DGKB: variants seen among roughly 807,000 people sequenced by gnomAD.
The protein encoded by DGKB is 90 kDa diacylglycerol kinase.
Under a neutral mutation model 114.3 loss-of-function variants are expected in DGKB, and 67 were observed. The observed-to-expected ratio is 0.59, with a 90% CI of 0.48 to 0.72. The LOEUF is 0.72. Ranked by LOEUF, DGKB falls within the 30% of genes least tolerant of loss-of-function variation. DGKB has a pLI of 0.00. For synonymous variants in DGKB, 398 were observed against 323.1 expected (o/e 1.23, Z -2.49); for missense variants, 907 against 975.2 (o/e 0.93, Z 0.93).
At chr7:14,894,480 A>G (rs1781795147) in intron 1 of DGKB, among the ~76,000 whole-genome samples, 1 of 151,474 alleles carries the variant, frequency 6.6e-6, no homozygotes, top group Non-Finnish European at 1.5e-5. Context: ...GCATTGCTAT[A>G]TATTGACAAA....
intron 2 of DGKB, among the ~76,000 whole-genome samples, chr7:14,818,703 T>A (rs550769408): frequency 6.6e-6 from 1 of 152,284 alleles, no homozygotes; most frequent in South Asian, 2.1e-4. Context: ...GATTCTAAAT[T>A]CAACTTTTAG....
upstream of DGKB, among the ~76,000 whole-genome samples, chr7:14,904,848 T>C (rs1783601877): frequency 6.6e-6 from 1 of 152,140 alleles, no homozygotes; most frequent in Non-Finnish European, 1.5e-5. Context: ...TTGTGTACAC[T>C]GCAGTGTAAG....
chr7:14,832,643 G>A (rs960309160), intron 2 of DGKB, among the ~76,000 whole-genome samples: 1 of 151,944 alleles, frequency 6.6e-6, no homozygotes, highest in South Asian at 2.1e-4. Flanking sequence ...TTTGGATTGT[G>A]GAATACTTTC....
intron 20 of DGKB, among the ~76,000 whole-genome samples, chr7:14,572,276 T>C (rs1798500454): frequency 7.2e-6 from 1 of 139,772 alleles, no homozygotes; most frequent in African/African-American, 2.6e-5. Flanking sequence ...ACCCCGTATC[T>C]ACTAAAAATA....
At chr7:14,956,849 T>A (rs1261898725) in intron 1 of DGKB, among the ~76,000 whole-genome samples, 1 of 148,906 alleles carries the variant, frequency 6.7e-6, no homozygotes, top group Non-Finnish European at 1.5e-5. Flanking sequence ...GGAAAAGTCG[T>A]TTCAATTTTT....
At chr7:14,677,661 T>C (rs551109438) in intron 12 of DGKB, among the ~76,000 whole-genome samples, 115 of 152,120 alleles carry the variant, frequency 7.6e-4, no homozygotes, top group African/African-American at 2.7e-3. Flanking sequence ...ATTCACAACA[T>C]GTTATACAAC....
rs1798793051 is a variant in DGKB, at chr7:14,574,243, C to G, written c.1739G>C (p.Ser580Thr). ...KDEKGDPVPY[S>T]IINNYFSIGV... is the part of the protein sequence containing the mutation. ...AATGGAAAAGTAATTATTGATGATACTGTAAGGCACTGGGTCTCCTTTCTC... is the reference window on the plus strand; with the variant it reads ...AATGGAAAAGTAATTATTGATGATAGTGTAAGGCACTGGGTCTCCTTTCTC... The change falls in exon 20 of 26, where the codon AGT becomes ACT. Residue 580 changes from serine to threonine, a missense_variant. This residue lies in a region of DGKB where 814 missense variants were observed against 856.6 expected (regional missense o/e 0.95). Coordinates refer to ENST00000402815, the MANE Select transcript of DGKB (RefSeq NM_001350709.2). 2 of 1,613,078 alleles carry G rather than the reference C, an allele frequency of 1.2e-6. No individual in the cohort carries two copies. The highest frequency in any genetic ancestry group is 1.7e-6 in the Non-Finnish European group (2 of 1,179,540).
intron 1 of DGKB, among the ~76,000 whole-genome samples, chr7:14,919,619 C>A (rs1440071622): frequency 6.6e-6 from 1 of 152,006 alleles, no homozygotes. Context: ...TTTCAACAGA[C>A]AAAAAGATAA....
At chr7:14,318,461 C>T (rs1342283057) in intron 23 of DGKB, among the ~76,000 whole-genome samples, 2 of 152,250 alleles carry the variant, frequency 1.3e-5, no homozygotes, top group Admixed American at 6.5e-5. Context: ...ACAACCCCAT[C>T]GAAAAGTGGG....
Position 14,146,860 on chromosome 7 carries a change from T to G in DGKB, c.*2271A>C, listed in dbSNP as rs991141896. ...TCCCATTATTTCAATCATTGAAATC[T>G]TATAAGCAGGTTGTTTAATTTGTCT... On this transcript the variant is annotated 3_prime_UTR_variant, in exon 26 of 26. Coordinates refer to ENST00000402815, the MANE Select transcript of DGKB (RefSeq NM_001350709.2). The G allele has an allele frequency of 6.6e-6, 1 of 152,154 alleles. No homozygotes were observed. The highest frequency in any genetic ancestry group is 1.9e-4 in the East Asian group (1 of 5,204). The allele number at this position is 152,154 out of a possible 1,614,324, so 9.4% of individuals were successfully genotyped here.
chr7:14,476,529 C>T (rs916161200), intron 21 of DGKB, among the ~76,000 whole-genome samples: 1 of 152,012 alleles, frequency 6.6e-6, no homozygotes, highest in African/African-American at 2.4e-5. Context: ...GTTCCCATCT[C>T]CAGAAGCAAC....
chr7:14,192,774 C>T (rs1784486456), intron 23 of DGKB, among the ~76,000 whole-genome samples: 2 of 151,860 alleles, frequency 1.3e-5, no homozygotes, highest in African/African-American at 2.4e-5. Flanking sequence ...TATATTATTT[C>T]ATTATGTATT....
intron 2 of DGKB, among the ~76,000 whole-genome samples, chr7:14,764,214 T>C (rs1836124690): frequency 6.6e-6 from 1 of 151,944 alleles, no homozygotes; most frequent in Admixed American, 6.6e-5. Flanking sequence ...CTAGCATTAA[T>C]GTGCAGACGC....
chr7:14,833,586 T>C, intron 2 of DGKB, among the ~76,000 whole-genome samples: 1 of 152,154 alleles, frequency 6.6e-6, no homozygotes, highest in Non-Finnish European at 1.5e-5. Flanking sequence ...GCAATGTTGA[T>C]GGATAATATT....
intron 2 of DGKB, among the ~76,000 whole-genome samples, chr7:14,839,496 G>C (rs1212551647): frequency 2.7e-5 from 4 of 150,472 alleles, no homozygotes; most frequent in African/African-American, 9.8e-5. Context: ...CAGCCTCCTG[G>C]GCTCCAGCAA....
rs529292682 is a variant in DGKB, at chr7:14,783,392, A to G, written c.71-25661T>C. On this transcript the variant is annotated intron_variant, in intron 2 of 25. Transcript: ENST00000402815. ...ACTCCTGAATTACTGATCACAAGAT[A>G]TTTCAAAGATTTTTGAAGGTTTTGA... 2.6e-5 allele frequency among the ~76,000 whole-genome samples: 4 copies of G among 152,354 alleles called. No homozygotes were observed. The East Asian group carries it at 5.8e-4, about 22-fold the overall frequency.
chr7:14,632,950 T>C (rs1810030757), intron 13 of DGKB, among the ~76,000 whole-genome samples: 1 of 151,852 alleles, frequency 6.6e-6, no homozygotes, highest in Admixed American at 6.6e-5. Context: ...ATAATACAAA[T>C]AGGTAAAACA....
chr7:14,913,569 C>G (rs769865058), intron 1 of DGKB, among the ~76,000 whole-genome samples: 2 of 150,778 alleles, frequency 1.3e-5, no homozygotes, highest in Non-Finnish European at 2.9e-5. Flanking sequence ...ACCCAAGAAA[C>G]AATTCTAATA....
chr7:14,149,118 AAAC>A lies in DGKB; in HGVS notation c.*10_*12del. The A allele has an allele frequency of 6.2e-7, 1 of 1,608,930 alleles. No homozygotes were observed. ...TATGCTAATTCAATTTCTAAGAGTG[AAAC>A]AACACAGGATTATTCCTTGCTTCGG... On this transcript the variant is annotated 3_prime_UTR_variant, in exon 26 of 26. Coordinates refer to ENST00000402815, the MANE Select transcript of DGKB (RefSeq NM_001350709.2).
Sources: gnomAD v4.1 joint callset for allele counts (sites outside exome capture counted in the v4.1 genomes callset) on GRCh38, gnomAD v4.1.1 for gene constraint, gnomAD v4.1.1 regional missense constraint, MANE v1.5 for transcripts, NCBI Gene and HGNC (gene_info 2026-07-23, HGNC 2026-07-21) for gene names.